The following KDM2B variants were observed in gnomAD, a reference collection of about 807,000 sequenced individuals.
KDM2B encodes lysine demethylase 2B.
A neutral mutation model predicts 150.0 loss-of-function variants in KDM2B; 26 were observed. That is an observed-to-expected ratio of 0.17 (90% CI 0.13 to 0.24). KDM2B has a LOEUF of 0.24. Ranked by LOEUF, KDM2B falls within the 10% of genes least tolerant of loss-of-function variation. The pLI, the probability that KDM2B is intolerant of heterozygous loss-of-function variation, is 1.00. For missense variants in KDM2B, 1,265 were observed against 1,816.9 expected (o/e 0.70, Z 5.52); for synonymous variants, 734 against 729.5 (o/e 1.01, Z -0.10).
the KDM2B span, among the ~76,000 whole-genome samples, chr12:121,412,898 G>A: frequency 6.6e-6 from 1 of 151,554 alleles, no homozygotes; most frequent in South Asian, 2.1e-4. Context: ...TGTATTTTTA[G>A]TAGAGACGGG....
At chr12:121,554,036 C>CACAA (rs1889713472) in intron 4 of KDM2B, among the ~76,000 whole-genome samples, 1 of 57,062 alleles carries the variant, frequency 1.8e-5, no homozygotes, top group Non-Finnish European at 3.3e-5. Context: ...CCCAGCTCCA[C>CACAA]ACACACACAC....
chr12:121,442,168 G>C lies in KDM2B; in HGVS notation c.3273C>G (p.Thr1091=). The stretch of plus-strand genomic sequence containing the variant: ...AGGCCGCCGCTCACCAGCGGTTCCA[G>C]GTCCTGCAGACCCGCATGCACACAC... ...DLCVCMRVCR[T]WNRWCCDKRL... The change falls in exon 19 of 23, where the codon ACC becomes ACG. Residue 1091 remains threonine (T), a synonymous_variant. Coordinates refer to ENST00000377071, the MANE Select transcript of KDM2B (RefSeq NM_032590.5). This position sits in a 1 kb window ranked among gnomAD's most constrained non-coding sequence, Gnocchi z 7.7. The C allele has an allele frequency of 6.2e-7, 1 of 1,613,612 alleles. No homozygotes were observed. The highest frequency in any genetic ancestry group is 8.5e-7 in the Non-Finnish European group (1 of 1,179,968).
chr12:121,550,449 C>T lies in KDM2B; in HGVS notation c.398-811G>A, dbSNP rs375719951. ...CCAAAGGCCACCATATGATGACAGC[C>T]CAAGGGCCAAATCCAGCCTACGGCC... is the stretch of plus-strand genomic sequence containing the variant. On this transcript the variant is annotated intron_variant, in intron 4 of 22. Transcript: ENST00000377071. 4.6e-5 allele frequency among the ~76,000 whole-genome samples: 7 copies of T among 152,284 alleles called. No homozygotes were observed. In the East Asian group the frequency reaches 1.2e-3, roughly 25 times the overall value.
intron 6 of KDM2B, among the ~76,000 whole-genome samples, chr12:121,547,876 C>T (rs1458012195): frequency 3.3e-5 from 5 of 151,826 alleles, no homozygotes; most frequent in Non-Finnish European, 4.4e-5. Context: ...CTCCTGACCT[C>T]GTGATCTGCC....
intron 4 of KDM2B, among the ~76,000 whole-genome samples, chr12:121,563,170 C>T (rs1890463371): frequency 6.6e-6 from 1 of 151,982 alleles, no homozygotes; most frequent in Non-Finnish European, 1.5e-5. Flanking sequence ...TAAAAAATAA[C>T]AACAATTAGC....
intron 4 of KDM2B, among the ~76,000 whole-genome samples, chr12:121,572,953 G>C (rs1891220042): frequency 6.7e-6 from 1 of 149,850 alleles, no homozygotes; most frequent in Non-Finnish European, 1.5e-5. Flanking sequence ...AGCCTCCCAA[G>C]TAGCTGGGAC....
In KDM2B at chr12:121,549,860, G is replaced by A. The variant is rs1471973033; in HGVS notation, c.398-222C>T. On this transcript the variant is annotated intron_variant, in intron 4 of 22. Transcript: ENST00000377071. This position sits in a 1 kb window ranked among gnomAD's most constrained non-coding sequence, Gnocchi z 4.4. ...CACCATGGCCTCCACGCCAGTCTGC[G>A]ATGACCTCAAAAGCTACCTAAAGGG... 6.8e-6 allele frequency among the ~76,000 whole-genome samples: 1 copy of A among 146,398 alleles called. No homozygotes were observed. The highest frequency in any genetic ancestry group is 2.2e-4 in the East Asian group (1 of 4,542).
At chr12:121,450,861 A>T (rs1261049942) in intron 13 of KDM2B, among the ~76,000 whole-genome samples, 1 of 151,924 alleles carries the variant, frequency 6.6e-6, no homozygotes, top group Non-Finnish European at 1.5e-5. Flanking sequence ...ACTCCATCAA[A>T]AAAAAAAAAG....
At chr12:121,412,303 A>G in the KDM2B span, among the ~76,000 whole-genome samples, 1 of 141,840 alleles carries the variant, frequency 7.1e-6, no homozygotes, top group South Asian at 2.2e-4. Flanking sequence ...ACAGTGGCGC[A>G]ATCTCGGCTC....
At chr12:121,505,116 CAAAAAAA>C (rs781886793) in intron 11 of KDM2B, among the ~76,000 whole-genome samples, 4 of 79,516 alleles carry the variant, frequency 5.0e-5, no homozygotes, top group South Asian at 4.1e-4. Context: ...GACTCTGTCT[CAAAAAAA>C]AAAAAAAAAA....
intron 12 of KDM2B, among the ~76,000 whole-genome samples, chr12:121,455,730 C>A (rs1426488238): frequency 2.6e-5 from 4 of 152,136 alleles, no homozygotes; most frequent in African/African-American, 7.2e-5. Flanking sequence ...AGAAATCCAT[C>A]CTTACAATGA....
At chr12:121,474,763 G>C (rs868939817) in intron 12 of KDM2B, among the ~76,000 whole-genome samples, 14 of 152,082 alleles carry the variant, frequency 9.2e-5, no homozygotes, top group African/African-American at 3.4e-4. Context: ...GACCAACCTG[G>C]CAACACGGCA....
Position 121,494,665 on chromosome 12 carries a change from T to C in KDM2B, c.1648A>G (p.Asn550Asp). 6.2e-7 allele frequency: 1 copy of C among 1,608,978 alleles called. No individual in the cohort carries two copies. Among genetic ancestry groups the C allele is most frequent in the Non-Finnish European group, 8.5e-7 (1 of 1,177,784 alleles). The change falls in exon 12 of 23, where the codon AAC becomes GAC. Residue 550 changes from asparagine (N) to aspartate (D), a missense_variant and splice_region_variant. Physicochemically the swap from Asn to Asp is conservative, Grantham distance 23. Around this residue, in one of 11 missense-constraint regions of KDM2B, gnomAD observed 69 missense variants for 85.7 expected, o/e 0.81. Coordinates refer to ENST00000377071, the MANE Select transcript of KDM2B (RefSeq NM_032590.5). ...DPQALLEGVK[N>D]VLKEHADDDP... Reference sequence around the variant, plus strand: ...TCATCTGCGTGCTCCTTCAGGACGTTCTGTGGCCAAACAAAGCATCCATAT... The same window carrying C: ...TCATCTGCGTGCTCCTTCAGGACGTCCTGTGGCCAAACAAAGCATCCATAT...
chr12:121,561,953 C>A (rs2136266471), intron 4 of KDM2B, among the ~76,000 whole-genome samples: 1 of 152,314 alleles, frequency 6.6e-6, no homozygotes, highest in South Asian at 2.1e-4. Flanking sequence ...AGGCGGATCA[C>A]CTGAGGTCAG....
At chr12:121,421,414 G>A in the KDM2B span, among the ~76,000 whole-genome samples, 2 of 146,610 alleles carry the variant, frequency 1.4e-5, no homozygotes, top group East Asian at 2.0e-4. Context: ...AAAACCTGGT[G>A]TGGTGGCACC....
At chr12:121,534,423 G>A in intron 7 of KDM2B, 74 bp downstream of exon 7, 1 of 1,060,498 alleles carries the variant, frequency 9.4e-7, no homozygotes, top group Non-Finnish European at 1.5e-6. Context: ...TGGGAGGAGA[G>A]GGAAAGGTAA....
chr12:121,519,854 A>C (rs1555305564), intron 9 of KDM2B, among the ~76,000 whole-genome samples: 1 of 152,114 alleles, frequency 6.6e-6, no homozygotes, highest in African/African-American at 2.4e-5. Context: ...TAGAACAAGA[A>C]ATGGGACTTT....
intron 10 of KDM2B, among the ~76,000 whole-genome samples, chr12:121,512,688 T>TG (rs1555304226): frequency 6.6e-6 from 1 of 152,034 alleles, no homozygotes; most frequent in Admixed American, 6.6e-5. Flanking sequence ...CGGGCGTCTG[T>TG]GAGTCAAGAT....
chr12:121,455,589 C>A (rs1489781079), intron 12 of KDM2B, among the ~76,000 whole-genome samples: 1 of 152,106 alleles, frequency 6.6e-6, no homozygotes, highest in South Asian at 2.1e-4. Flanking sequence ...CCTGCAGACC[C>A]AGCTACTCAG....
Sources: allele counts gnomAD v4.1 joint callset (sites outside exome capture counted in the v4.1 genomes callset), GRCh38; gene constraint gnomAD v4.1.1; regional missense constraint gnomAD v4.1.1; non-coding constraint Gnocchi (gnomAD v3.1); transcripts MANE v1.5; gene names NCBI Gene and HGNC (gene_info 2026-07-23, HGNC 2026-07-21).